Variants in PPOX observed in about 807,000 individuals in gnomAD.
The protein encoded by PPOX is protoporphyrinogen oxidase.
In PPOX, 23 loss-of-function variants were observed where a neutral mutation model predicts 54.1. The observed-to-expected ratio is 0.43, with a 90% CI of 0.31 to 0.60. The LOEUF is 0.60. Ranked by LOEUF, PPOX falls within the 20% of genes least tolerant of loss-of-function variation. PPOX has a pLI of 0.13. For missense variants in PPOX, 512 were observed against 601.1 expected (o/e 0.85, Z 1.55); for synonymous variants, 224 against 236.1 (o/e 0.95, Z 0.47).
chr1:161,176,413 G>C, intron 4 of PPOX: 1 of 403,744 alleles, frequency 2.5e-6, no homozygotes, highest in South Asian at 2.9e-5. Flanking sequence ...TCCAATTTTA[G>C]AAGGGAAGAG....
downstream of PPOX, chr1:161,171,332 G>C (rs769525319): frequency 4.0e-5 from 51 of 1,270,682 alleles, no homozygotes; most frequent in Non-Finnish European, 5.4e-5. Flanking sequence ...TCCTTTATTA[G>C]AAAATATATC....
intron 6 of PPOX, among the ~76,000 whole-genome samples, 168 bp downstream of exon 6, chr1:161,168,744 C>A (rs949287434): frequency 1.3e-5 from 2 of 152,096 alleles, no homozygotes; most frequent in African/African-American, 4.8e-5. Context: ...CTCGCTGCAA[C>A]CTCCGCCTCC....
chr1:161,176,145 G>T, downstream of PPOX: 1 of 1,522,920 alleles, frequency 6.6e-7, no homozygotes, highest in Non-Finnish European at 9.0e-7. Context: ...CAGTAGGTAG[G>T]GTTGAAGGTG....
chr1:161,173,724 G>C (rs1281213668), downstream of PPOX: 1 of 1,613,996 alleles, frequency 6.2e-7, no homozygotes, highest in Non-Finnish European at 8.5e-7. Flanking sequence ...GGGGGTACGG[G>C]AGGCTAGGGA....
downstream of PPOX, chr1:161,173,738 A>G: frequency 6.2e-7 from 1 of 1,614,046 alleles, no homozygotes; most frequent in Non-Finnish European, 8.5e-7. Context: ...CTAGGGAGAG[A>G]AAGATCCTTG....
chr1:161,177,286 GC>G (rs1663983131), downstream of PPOX: 5 of 576,754 alleles, frequency 8.7e-6, no homozygotes, highest in South Asian at 6.3e-5. Context: ...AGCCCGCCCG[GC>G]CCCCGTCCAT....
chr1:161,173,884 C>T (rs545295972), downstream of PPOX: 6 of 1,614,022 alleles, frequency 3.7e-6, no homozygotes, highest in South Asian at 2.2e-5. Flanking sequence ...TTCATAGCAA[C>T]GGCAACATGG....
chr1:161,165,829 G>A (rs945533360), upstream of PPOX: 9 of 176,856 alleles, frequency 5.1e-5, no homozygotes, highest in Non-Finnish European at 9.8e-5. Flanking sequence ...GGCGCTCTCA[G>A]AGCCGAGGGG....
At chr1:161,175,349 C>A, downstream of PPOX, 1 of 855,450 alleles carries the variant, frequency 1.2e-6, no homozygotes, top group Non-Finnish European at 1.8e-6. Flanking sequence ...TCAGGGCTCA[C>A]TCAGAAATCT....
downstream of PPOX, chr1:161,175,743 T>C: frequency 1.3e-6 from 2 of 1,582,920 alleles, no homozygotes; most frequent in Non-Finnish European, 1.7e-6. Context: ...TGCCTCCCTA[T>C]CCCCAAGCCT....
chr1:161,176,873 C>T lies in PPOX; in HGVS notation c.397C>T (p.Gln133Ter), dbSNP rs561876767. 1.4e-5 allele frequency: 21 copies of T among 1,536,010 alleles called. No homozygotes were observed. In the East Asian group the frequency reaches 3.7e-4, roughly 27 times the overall value. The stretch of plus-strand genomic sequence containing the variant: ...GACCAAGAACCAGTTGAAGTGGCGA[C>T]AGAGTCATGACAGGACCGTGGAGTG... The change falls in exon 5 of 5, where the codon CAG (glutamine) becomes TAG (stop). Residue 133 changes from glutamine to a stop codon, truncating the protein, a stop_gained. Transcript: ENST00000497522. LOFTEE classifies it low-confidence loss of function (END_TRUNC).
Position 161,170,394 on chromosome 1 carries a change from T to A in PPOX, c.988-15T>A, listed in dbSNP as rs753488558. On this transcript the variant is annotated splice_polypyrimidine_tract_variant and intron_variant, in intron 9 of 12. Coordinates refer to ENST00000367999, the MANE Select transcript of PPOX (RefSeq NM_001122764.3). ...GAGCCCTTTCCTTCTGACGCATGAA[T>A]GTCCTTCTCTCCAGGGATTTGGACA... 2 of 1,437,994 alleles carry A rather than the reference T, an allele frequency of 1.4e-6. No individual in the cohort carries two copies. Among genetic ancestry groups the A allele is most frequent in the Non-Finnish European group, 1.9e-6 (2 of 1,070,342 alleles). The allele number at this position is 1,437,994 out of a possible 1,614,324, so 89.1% of individuals were successfully genotyped here.
In PPOX at chr1:161,170,489, G is replaced by C. The variant is rs772098102; in HGVS notation, c.1068G>C (p.Gln356His). Residue 356 changes from glutamine to histidine, a missense_variant, in exon 10 of 13, where the codon CAG (glutamine) becomes CAC (histidine). Transcript: ENST00000367999. The stretch of plus-strand genomic sequence containing the variant: ...ATGACTCAGTTGCTTTCCCTGAGCA[G>C]GACGGGAGCCCCCCTGGCCTCAGAG... ...IVYDSVAFPE[Q>H]DGSPPGLRVT... The C allele has an allele frequency of 6.2e-7, 1 of 1,614,246 alleles. No individual in the cohort carries two copies. Among genetic ancestry groups the C allele is most frequent in the East Asian group, 2.2e-5 (1 of 44,890 alleles).
At chr1:161,175,785 C>T, downstream of PPOX, 1 of 1,608,094 alleles carries the variant, frequency 6.2e-7, no homozygotes, top group East Asian at 2.2e-5. Flanking sequence ...TTCCTTTCAC[C>T]ACCTCCTTCC....
At chr1:161,173,724 G>A, downstream of PPOX, 1 of 1,614,114 alleles carries the variant, frequency 6.2e-7, no homozygotes, top group South Asian at 1.1e-5. Flanking sequence ...GGGGGTACGG[G>A]AGGCTAGGGA....
At position 161,167,491 on chromosome 1, in the gene PPOX, C is replaced by T; in HGVS notation, c.338+5C>T. On this transcript the variant is annotated splice_donor_5th_base_variant and intron_variant, in intron 4 of 12. Coordinates refer to ENST00000367999, the MANE Select transcript of PPOX (RefSeq NM_001122764.3). ...TGCCCTACCCACTGGCCTCAGGTAA[C>T]ACCAGCACCTCCGCTCCTTTTACTG... is the stretch of plus-strand genomic sequence containing the variant. 6.2e-7 allele frequency: 1 copy of T among 1,609,210 alleles called. No individual in the cohort carries two copies. The highest frequency in any genetic ancestry group is 1.1e-5 in the South Asian group (1 of 90,914).
At chr1:161,176,777 G>A (rs1478995688) in intron 4 of PPOX, 4 of 1,355,894 alleles carry the variant, frequency 3.0e-6, no homozygotes, top group African/African-American at 1.4e-5. Context: ...AACCACCCCC[G>A]TACCCCCACC....
chr1:161,170,321 T>TTGCCC, intron 9 of PPOX, 88 bp from the exon 10 acceptor site: 1 of 367,768 alleles, frequency 2.7e-6, no homozygotes, highest in Admixed American at 3.5e-5. Context: ...TGAGACTCTG[T>TTGCCC]CCCCCCCACC....
At chr1:161,171,705 C>A (rs767892217), downstream of PPOX, 19 of 1,455,726 alleles carry the variant, frequency 1.3e-5, no homozygotes, top group Non-Finnish European at 1.7e-5. Context: ...CCTAGCACGG[C>A]ACCAGAGTTC....
Sources: gnomAD v4.1 joint callset for allele counts (sites outside exome capture counted in the v4.1 genomes callset) on GRCh38, gnomAD v4.1.1 for gene constraint, MANE v1.5 for transcripts, NCBI Gene and HGNC (gene_info 2026-07-23, HGNC 2026-07-21) for gene names.